Variants in CCDC73 observed in about 807,000 individuals in gnomAD.
The protein encoded by CCDC73 is coiled-coil domain-containing protein 73.
A neutral mutation model predicts 116.5 loss-of-function variants in CCDC73; 95 were observed. That is an observed-to-expected ratio of 0.82 (90% confidence interval 0.69 to 0.97). The LOEUF is 0.97. Ranked by LOEUF, CCDC73 falls within the 50% of genes least tolerant of loss-of-function variation. The pLI is 0.00. For synonymous variants in CCDC73, 398 were observed against 401.3 expected (o/e 0.99, Z 0.10); for missense variants, 1,066 against 1,206.8 (o/e 0.88, Z 1.73).
chr11:32,657,615 G>A (rs536327027), intron 9 of CCDC73, among the ~76,000 whole-genome samples: 49 of 152,038 alleles, frequency 3.2e-4, no homozygotes, highest in African/African-American at 1.2e-3. Flanking sequence ...CTCCTGATTG[G>A]GTTAAATCTG....
chr11:32,751,076 T>C (rs937267706), intron 2 of CCDC73, among the ~76,000 whole-genome samples: 2 of 152,194 alleles, frequency 1.3e-5, no homozygotes, highest in Non-Finnish European at 2.9e-5. Flanking sequence ...GCAGGTTTCC[T>C]GTCTAATCCA....
At chr11:32,651,497 G>A (rs1378372017) in intron 12 of CCDC73, among the ~76,000 whole-genome samples, 1 of 152,184 alleles carries the variant, frequency 6.6e-6, no homozygotes, top group Non-Finnish European at 1.5e-5. Context: ...GGCAGGACGG[G>A]AACGAGGAGT....
chr11:32,820,491 A>C, the CCDC73 span, among the ~76,000 whole-genome samples: 1 of 152,198 alleles, frequency 6.6e-6, no homozygotes, highest in Non-Finnish European at 1.5e-5. Context: ...TGATAAGTAG[A>C]ATATAGAAAT....
intron 3 of CCDC73, among the ~76,000 whole-genome samples, chr11:32,714,663 A>C (rs1470894548): frequency 6.6e-6 from 1 of 152,094 alleles, no homozygotes; most frequent in Non-Finnish European, 1.5e-5. Context: ...AAGAAATTTA[A>C]ATCTAAGGAG....
At chr11:32,767,013 G>A (rs1220411986) in intron 1 of CCDC73, among the ~76,000 whole-genome samples, 3 of 152,152 alleles carry the variant, frequency 2.0e-5, no homozygotes, top group Non-Finnish European at 4.4e-5. Flanking sequence ...GCATTGCCAA[G>A]GCAATCCTAA....
At chr11:32,746,645 A>G (rs1249535642) in intron 2 of CCDC73, among the ~76,000 whole-genome samples, 1 of 151,792 alleles carries the variant, frequency 6.6e-6, no homozygotes, top group South Asian at 2.1e-4. Context: ...TTTTTTCTCT[A>G]ATCTTGTTTT....
At chr11:32,732,108 C>T (rs955471934) in intron 2 of CCDC73, among the ~76,000 whole-genome samples, 1 of 152,014 alleles carries the variant, frequency 6.6e-6, no homozygotes, top group Admixed American at 6.6e-5. Flanking sequence ...GGCACAAGAA[C>T]TATGTGAAAA....
intron 14 of CCDC73, among the ~76,000 whole-genome samples, chr11:32,623,784 A>C (rs534456133): frequency 2.6e-5 from 4 of 152,346 alleles, no homozygotes; most frequent in African/African-American, 4.8e-5. Flanking sequence ...GTGTGAGATC[A>C]AAAAGTTTTT....
intron 2 of CCDC73, among the ~76,000 whole-genome samples, chr11:32,751,333 C>T (rs1442256667): frequency 6.6e-6 from 1 of 152,106 alleles, no homozygotes; most frequent in African/African-American, 2.4e-5. Context: ...GTCACTGGGT[C>T]GCATGCTCTC....
the CCDC73 span, among the ~76,000 whole-genome samples, chr11:32,821,078 C>T: frequency 2.0e-5 from 3 of 152,094 alleles, no homozygotes; most frequent in Admixed American, 6.5e-5. Context: ...ATTTATCAAT[C>T]TTTACATTTA....
chr11:32,808,393 C>T, the CCDC73 span, among the ~76,000 whole-genome samples: 1 of 152,178 alleles, frequency 6.6e-6, no homozygotes, highest in Non-Finnish European at 1.5e-5. Context: ...AATCCCAAAA[C>T]TTTGGGAGGC....
chr11:32,663,437 G>T (rs1444008227), intron 9 of CCDC73, among the ~76,000 whole-genome samples: 4 of 152,126 alleles, frequency 2.6e-5, no homozygotes, highest in East Asian at 1.9e-4. Flanking sequence ...TTATTCTCTT[G>T]CAAGCAATTG....
chr11:32,720,351 G>C (rs1038731331), intron 2 of CCDC73, among the ~76,000 whole-genome samples: 2 of 152,014 alleles, frequency 1.3e-5, no homozygotes, highest in East Asian at 3.8e-4. Flanking sequence ...CTCTTACCAA[G>C]TTAGGAATAA....
rs138759836 is a variant in CCDC73 at position 32,684,922 on chromosome 11, A to C, written c.391-1348T>G. Among the ~76,000 whole-genome samples, 1,080 of 152,210 alleles carry C rather than the reference A, an allele frequency of 7.1e-3. 15 individuals are homozygous for C. The highest frequency in any genetic ancestry group is 0.025 in the African/African-American group (1,041 of 41,530). ...CTTGAGCCCGGGGGGTGGAGGTTGC[A>C]GTGAATTGAGACTGCGCCAGTGCAC... On this transcript the variant is annotated intron_variant, in intron 6 of 17. Coordinates refer to ENST00000335185, the MANE Select transcript of CCDC73 (RefSeq NM_001008391.4).
the CCDC73 span, among the ~76,000 whole-genome samples, chr11:32,809,109 A>G: frequency 6.6e-6 from 1 of 152,226 alleles, no homozygotes; most frequent in Non-Finnish European, 1.5e-5. Context: ...TTCAACTAAT[A>G]TGGTAGAGAA....
intron 14 of CCDC73, among the ~76,000 whole-genome samples, chr11:32,634,035 A>T (rs972963927): frequency 6.6e-6 from 1 of 152,184 alleles, no homozygotes; most frequent in Non-Finnish European, 1.5e-5. Context: ...TAAATAATTT[A>T]AATACTGAAT....
At chr11:32,618,363 A>G (rs1194935929) in intron 14 of CCDC73, among the ~76,000 whole-genome samples, 6 of 152,146 alleles carry the variant, frequency 3.9e-5, no homozygotes, top group Non-Finnish European at 1.5e-5. Context: ...TCTTTTTGGT[A>G]GAGCGATTTA....
intron 1 of CCDC73, among the ~76,000 whole-genome samples, chr11:32,763,311 C>G (rs1339511078): frequency 1.3e-5 from 2 of 152,206 alleles, no homozygotes; most frequent in Non-Finnish European, 2.9e-5. Context: ...CAAGTGAGTC[C>G]CTGACCCCTG....
At chr11:32,645,483 G>T (rs1855770466) in intron 12 of CCDC73, among the ~76,000 whole-genome samples, 1 of 151,674 alleles carries the variant, frequency 6.6e-6, no homozygotes, top group African/African-American at 2.4e-5. Context: ...TAGAGACGGG[G>T]TTTCACCATG....
Sources: allele counts gnomAD v4.1 joint callset (sites outside exome capture counted in the v4.1 genomes callset), GRCh38; gene constraint gnomAD v4.1.1; transcripts MANE v1.5; gene names NCBI Gene and HGNC (gene_info 2026-07-23, HGNC 2026-07-21).